PHTF2: variants seen among roughly 807,000 people sequenced by gnomAD.
The protein encoded by PHTF2 is putative homeodomain transcription factor 2.
PHTF2 carries 60 observed loss-of-function variants against 101.2 expected under a neutral mutation model. The observed-to-expected ratio is 0.59, with a 90% CI of 0.48 to 0.73. PHTF2 has a LOEUF of 0.73. PHTF2 is among the 30% of genes least tolerant of loss of function. PHTF2 has a pLI of 0.00. For missense variants in PHTF2, 747 were observed against 908.7 expected (o/e 0.82, Z 2.29); for synonymous variants, 311 against 307.3 (o/e 1.01, Z -0.13).
chr7:77,859,470 C>T (rs772684323), intron 3 of PHTF2, among the ~76,000 whole-genome samples: 3 of 151,874 alleles, frequency 2.0e-5, no homozygotes, highest in Non-Finnish European at 4.4e-5. Context: ...TTACGATTGT[C>T]GAACACCTAG....
At chr7:77,827,262 C>T (rs1794755200) in intron 1 of PHTF2, among the ~76,000 whole-genome samples, 2 of 152,112 alleles carry the variant, frequency 1.3e-5, no homozygotes, top group South Asian at 4.1e-4. Flanking sequence ...ACCTAAATAA[C>T]TCGTGTGGCA....
intron 3 of PHTF2, among the ~76,000 whole-genome samples, chr7:77,883,940 A>G (rs1169729800): frequency 1.3e-5 from 2 of 152,236 alleles, no homozygotes; most frequent in Non-Finnish European, 2.9e-5. Flanking sequence ...TTTACAGTGC[A>G]CCAACTATAT....
intron 1 of PHTF2, among the ~76,000 whole-genome samples, chr7:77,803,193 A>G (rs564737652): frequency 6.6e-6 from 1 of 152,294 alleles, no homozygotes; most frequent in African/African-American, 2.4e-5. Context: ...CTGTGGCTGA[A>G]CCACTACCTG....
intron 9 of PHTF2, among the ~76,000 whole-genome samples, chr7:77,914,325 A>G (rs909803605): frequency 1.3e-5 from 2 of 151,990 alleles, no homozygotes; most frequent in African/African-American, 4.8e-5. Context: ...TTAAACAAGG[A>G]GTTGGATATG....
At chr7:77,871,387 G>A (rs948716529) in intron 3 of PHTF2, among the ~76,000 whole-genome samples, 7 of 152,110 alleles carry the variant, frequency 4.6e-5, no homozygotes, top group South Asian at 2.1e-4. Context: ...TTAAAGGTAG[G>A]GGGAGCCCAA....
rs576391040 is a variant in PHTF2 at position 77,844,407 on chromosome 7, A to G, written c.45+4107A>G. On this transcript the variant is annotated intron_variant, in intron 2 of 19. Transcript: ENST00000416283. ...ACTTGATTTGTAGACTCTTTTGAAC[A>G]TGAGCTCTAATATCAGATGTGAAAT... is the stretch of plus-strand genomic sequence containing the variant. 2.6e-5 allele frequency among the ~76,000 whole-genome samples: 4 copies of G among 152,246 alleles called. No individual in the cohort carries two copies. In the South Asian group the frequency reaches 6.2e-4, roughly 24 times the overall value.
intron 2 of PHTF2, among the ~76,000 whole-genome samples, chr7:77,845,088 C>A (rs1422031607): frequency 6.6e-6 from 1 of 152,078 alleles, no homozygotes; most frequent in African/African-American, 2.4e-5. Context: ...TTTCATATAT[C>A]TAGTTTCTCA....
chr7:77,932,590 GAGAGAGAGAGAA>G (rs1437905325), intron 12 of PHTF2, among the ~76,000 whole-genome samples: 1,519 of 131,232 alleles, frequency 0.012, 12 homozygotes, highest in African/African-American at 0.015. Context: ...AAGAGGAAGA[GAGAGAGAGAGAA>G]AGAGAGAGAG....
intron 5 of PHTF2, among the ~76,000 whole-genome samples, chr7:77,897,329 G>A (rs1313956331): frequency 1.6e-5 from 2 of 122,072 alleles, no homozygotes; most frequent in African/African-American, 6.2e-5. Flanking sequence ...CATTATCTGT[G>A]TACTTAGAGA....
At chr7:77,840,439 A>T in intron 2 of PHTF2, 139 bp downstream of exon 2, 1 of 565,762 alleles carries the variant, frequency 1.8e-6, no homozygotes, top group Non-Finnish European at 3.1e-6. Flanking sequence ...TTTACTTCTA[A>T]ATAAATTGGA....
chr7:77,876,494 TTC>T (rs1311353324), intron 3 of PHTF2, among the ~76,000 whole-genome samples: 3 of 152,236 alleles, frequency 2.0e-5, no homozygotes, highest in Non-Finnish European at 4.4e-5. Flanking sequence ...TGAAGTTTTT[TTC>T]TCTTTTAAGT....
At chr7:77,908,927 C>T in exon 8 of PHTF2, 6 of 1,612,540 alleles carry the variant, frequency 3.7e-6, no homozygotes, top group Non-Finnish European at 5.1e-6. Context: ...AACACCCAAA[C>T]CTCCTCTAAG....
chr7:77,926,058 A>C lies in PHTF2; in HGVS notation c.1120-3051A>C, dbSNP rs546498527. 6.6e-4 allele frequency among the ~76,000 whole-genome samples: 101 copies of C among 152,082 alleles called. 1 individual carries two copies. The highest frequency in any genetic ancestry group is 6.2e-4 in the South Asian group (3 of 4,812). ...GACAGAGTGAGACTCCATCTCAAAA[A>C]AAAAACAAAAACAAAAACCCACTTA... is the stretch of plus-strand genomic sequence containing the variant. On this transcript the variant is annotated intron_variant, in intron 11 of 19. Coordinates refer to ENST00000416283, the Ensembl canonical transcript of PHTF2.
At chr7:77,827,089 T>TC (rs1794742752) in intron 1 of PHTF2, among the ~76,000 whole-genome samples, 1 of 152,232 alleles carries the variant, frequency 6.6e-6, no homozygotes, top group African/African-American at 2.4e-5. Flanking sequence ...ATGTCTGCTT[T>TC]CATAGCAGGA....
chr7:77,829,912 C>A (rs186388919), intron 1 of PHTF2, among the ~76,000 whole-genome samples: 96 of 152,230 alleles, frequency 6.3e-4, no homozygotes, highest in African/African-American at 2.3e-3. Context: ...TTCATGATAT[C>A]TTTGTACCCT....
At chr7:77,873,474 C>T (rs769547817) in intron 3 of PHTF2, among the ~76,000 whole-genome samples, 3 of 152,124 alleles carry the variant, frequency 2.0e-5, no homozygotes, top group African/African-American at 4.8e-5. Context: ...CTCTAGGGGC[C>T]GGCTGGGACT....
At chr7:77,842,268 A>G (rs1795945756) in intron 2 of PHTF2, among the ~76,000 whole-genome samples, 1 of 152,152 alleles carries the variant, frequency 6.6e-6, no homozygotes, top group Admixed American at 6.5e-5. Flanking sequence ...CTGTGGCACA[A>G]TCACGGCTCA....
chr7:77,814,667 G>A (rs774992188), intron 1 of PHTF2, among the ~76,000 whole-genome samples: 49 of 151,758 alleles, frequency 3.2e-4, no homozygotes, highest in Non-Finnish European at 6.6e-4. Flanking sequence ...ACGCGCCACC[G>A]CGCCCAGCTA....
At chr7:77,844,133 A>G (rs138277156) in intron 2 of PHTF2, among the ~76,000 whole-genome samples, 7 of 151,830 alleles carry the variant, frequency 4.6e-5, no homozygotes, top group African/African-American at 1.7e-4. Flanking sequence ...AAGTAGCTGG[A>G]ACTACAGGCT....
Sources: allele counts gnomAD v4.1 joint callset (sites outside exome capture counted in the v4.1 genomes callset), GRCh38; gene constraint gnomAD v4.1.1; transcripts MANE v1.5; gene names NCBI Gene and HGNC (gene_info 2026-07-23, HGNC 2026-07-21).